MAST4: variants seen among roughly 807,000 people sequenced by gnomAD.
MAST4 encodes microtubule-associated serine/threonine-protein kinase 4.
A neutral mutation model predicts 162.7 loss-of-function variants in MAST4; 89 were observed. That is an observed-to-expected ratio of 0.55 (90% confidence interval 0.46 to 0.65). MAST4 has a LOEUF of 0.65. Ranked by LOEUF, MAST4 falls within the 30% of genes least tolerant of loss-of-function variation. MAST4 has a pLI of 0.00. For synonymous variants in MAST4, 1,479 were observed against 1,361.1 expected, an observed-to-expected ratio of 1.09 and a Z score of -1.91; for missense variants, 3,153 against 3,374.0, an observed-to-expected ratio of 0.93 and a Z score of 1.62.
At chr5:66,919,952 CCTTCCTTCCTTCCTTCCTTCCTT>C (rs1561446198) in intron 4 of MAST4, among the ~76,000 whole-genome samples, 2 of 118,282 alleles carry the variant, frequency 1.7e-5, no homozygotes, top group East Asian at 6.2e-4. Flanking sequence ...TTCCTTCCTT[CCTTCCTTCCTTCCTTCCTTCCTT>C]CTTTCTCTCT....
At chr5:67,085,096 T>G (rs1763091281) in intron 5 of MAST4, among the ~76,000 whole-genome samples, 1 of 152,222 alleles carries the variant, frequency 6.6e-6, no homozygotes, top group Non-Finnish European at 1.5e-5. Flanking sequence ...GTTCAAGTTT[T>G]GCCCTTAATT....
intron 3 of MAST4, among the ~76,000 whole-genome samples, chr5:66,851,929 A>G (rs780453722): frequency 3.9e-5 from 6 of 152,186 alleles, no homozygotes; most frequent in Admixed American, 6.5e-5. Context: ...CTTATTGTAT[A>G]ATCTGGCGAG....
chr5:66,973,690 C>A (rs899436276), intron 4 of MAST4, among the ~76,000 whole-genome samples: 1 of 152,130 alleles, frequency 6.6e-6, no homozygotes, highest in Non-Finnish European at 1.5e-5. Flanking sequence ...GATGACCTTG[C>A]TCAAATCATT....
At chr5:66,687,345 TTC>T (rs1748726912) in intron 1 of MAST4, among the ~76,000 whole-genome samples, 1 of 152,134 alleles carries the variant, frequency 6.6e-6, no homozygotes, top group Admixed American at 6.6e-5. Context: ...GATTTTCTGT[TTC>T]TGAGTTACTT....
At chr5:66,665,327 A>G (rs529484793) in intron 1 of MAST4, among the ~76,000 whole-genome samples, 5 of 143,960 alleles carry the variant, frequency 3.5e-5, no homozygotes, top group South Asian at 2.1e-4. Flanking sequence ...GCCATGTGCT[A>G]TGTCTTTTAG....
intron 1 of MAST4, among the ~76,000 whole-genome samples, chr5:66,612,393 C>T (rs1420461176): frequency 6.6e-6 from 1 of 152,134 alleles, no homozygotes; most frequent in Non-Finnish European, 1.5e-5. Flanking sequence ...GTTTGGGACT[C>T]CCCCGAGTAC....
intron 3 of MAST4, among the ~76,000 whole-genome samples, chr5:66,823,173 G>A (rs1455725961): frequency 3.3e-5 from 5 of 152,050 alleles, no homozygotes; most frequent in African/African-American, 4.8e-5. Context: ...ACCTTCTGCC[G>A]TGATTGTAAG....
intron 1 of MAST4, among the ~76,000 whole-genome samples, chr5:66,713,590 C>T (rs1660938021): frequency 6.6e-6 from 1 of 152,180 alleles, no homozygotes; most frequent in African/African-American, 2.4e-5. Context: ...ATTTCCGTTG[C>T]ATTTCTTCTT....
chr5:66,669,708 CT>C (rs1331837696), intron 1 of MAST4, among the ~76,000 whole-genome samples: 2 of 152,102 alleles, frequency 1.3e-5, no homozygotes, highest in Non-Finnish European at 2.9e-5. Context: ...GAAAAGGAAA[CT>C]GTTGAGGGCC....
chr5:66,954,039 T>C (rs1745006025), intron 4 of MAST4, among the ~76,000 whole-genome samples: 1 of 152,152 alleles, frequency 6.6e-6, no homozygotes, highest in East Asian at 1.9e-4. Flanking sequence ...ATTTCCACCA[T>C]TAATGCAGCA....
chr5:66,898,451 T>C (rs1395550948), intron 3 of MAST4, among the ~76,000 whole-genome samples: 1 of 151,910 alleles, frequency 6.6e-6, no homozygotes, highest in Non-Finnish European at 1.5e-5. Context: ...TATTTATGTT[T>C]CGGTTCCCAA....
chr5:66,704,593 C>T (rs576423722), intron 1 of MAST4, among the ~76,000 whole-genome samples: 86 of 151,244 alleles, frequency 5.7e-4, no homozygotes, highest in African/African-American at 1.9e-3. Context: ...CTCTGCCTCC[C>T]GGGTTCACGC....
At chr5:66,788,638 C>G in intron 2 of MAST4, 32 bp from the exon 3 acceptor site, 1 of 1,445,606 alleles carries the variant, frequency 6.9e-7, no homozygotes, top group Non-Finnish European at 9.3e-7. Flanking sequence ...GGCTGCCTGT[C>G]ACTTACATTT....
intron 1 of MAST4, among the ~76,000 whole-genome samples, chr5:66,701,338 A>T (rs954781998): frequency 2.0e-5 from 3 of 152,166 alleles, no homozygotes; most frequent in African/African-American, 7.2e-5. Context: ...GTCTTATAGT[A>T]CCCCACTGTG....
intron 14 of MAST4, among the ~76,000 whole-genome samples, chr5:67,127,275 A>T (rs1301824523): frequency 1.3e-5 from 2 of 152,304 alleles, no homozygotes; most frequent in East Asian, 3.9e-4. Flanking sequence ...GCTATGCTGA[A>T]TAGGAGTGGT....
intron 5 of MAST4, among the ~76,000 whole-genome samples, chr5:67,079,856 A>T (rs1170254541): frequency 6.6e-6 from 1 of 152,164 alleles, no homozygotes; most frequent in Non-Finnish European, 1.5e-5. Flanking sequence ...ACAAAGTTCC[A>T]CATGCTGGGT....
chr5:66,856,210 GTCT>G (rs1425604478), intron 3 of MAST4, among the ~76,000 whole-genome samples: 2 of 152,172 alleles, frequency 1.3e-5, no homozygotes, highest in Non-Finnish European at 2.9e-5. Context: ...CATGAGGTTA[GTCT>G]GAGCTTGCAC....
At chr5:66,993,108 C>T (rs1051231746) in intron 4 of MAST4, among the ~76,000 whole-genome samples, 5 of 152,090 alleles carry the variant, frequency 3.3e-5, no homozygotes, top group Admixed American at 3.3e-4. Context: ...TATTAATAAA[C>T]CTTTTAAATA....
chr5:67,104,648 A>G, intron 10 of MAST4, 73 bp downstream of exon 10: 1 of 1,196,666 alleles, frequency 8.4e-7, no homozygotes, highest in Non-Finnish European at 1.2e-6. Flanking sequence ...TTTGCTTACA[A>G]GTTATAACCA....
Sources: allele counts gnomAD v4.1 joint callset (sites outside exome capture counted in the v4.1 genomes callset), GRCh38; gene constraint gnomAD v4.1.1; transcripts MANE v1.5; gene names NCBI Gene and HGNC (gene_info 2026-07-23, HGNC 2026-07-21).